The following DLG2 variants were observed in gnomAD, a reference collection of about 807,000 sequenced individuals.
DLG2 encodes the protein discs large MAGUK scaffold protein 2, also known as disks large homolog 2.
A neutral mutation model predicts 132.5 loss-of-function variants in DLG2; 45 were observed. That is an observed-to-expected ratio of 0.34 (90% CI 0.27 to 0.44). The LOEUF is 0.44. Among genes scored for constraint, DLG2 ranks in the 20% least tolerant of loss-of-function variants. The probability of loss-of-function intolerance (pLI) is 1.00; values close to 1 mark genes in which losing one functional copy is unlikely to be tolerated. For missense variants in DLG2, 1,045 were observed against 1,196.9 expected, an observed-to-expected ratio of 0.87 and a Z score of 1.87; for synonymous variants, 424 against 419.6, an observed-to-expected ratio of 1.01 and a Z score of -0.13.
intron 4 of DLG2, among the ~76,000 whole-genome samples, chr11:85,158,680 C>T (rs993628183): frequency 6.6e-6 from 1 of 152,052 alleles, no homozygotes; most frequent in Non-Finnish European, 1.5e-5. Context: ...GTGGCAGGGG[C>T]CAAGCGGTAG....
intron 3 of DLG2, among the ~76,000 whole-genome samples, chr11:85,557,714 C>G (rs1046915632): frequency 2.0e-5 from 3 of 151,854 alleles, no homozygotes; most frequent in African/African-American, 7.2e-5. Flanking sequence ...GAAAGGACTT[C>G]CTATTCAATA....
intron 4 of DLG2, among the ~76,000 whole-genome samples, chr11:85,269,205 A>G (rs2077383821): frequency 6.6e-6 from 1 of 152,178 alleles, no homozygotes; most frequent in African/African-American, 2.4e-5. Flanking sequence ...TCTCCCTTGT[A>G]GAATGCAGAT....
chr11:85,608,877 C>G (rs2080785948), intron 2 of DLG2, among the ~76,000 whole-genome samples: 1 of 152,216 alleles, frequency 6.6e-6, no homozygotes. Context: ...TAGCTCAAAC[C>G]CTGGCCTTTA....
chr11:84,795,221 C>T lies in DLG2; in HGVS notation c.358-260490G>A, dbSNP rs555447535. ...CCTGCCTGTGGAGAGGAGCTCCCCA[C>T]TGTGGGTCTCCTCTTTGCTTAGAGC... is the stretch of plus-strand genomic sequence containing the variant. On this transcript the variant is annotated intron_variant, in intron 6 of 27. Coordinates refer to ENST00000376104, the MANE Select transcript of DLG2 (RefSeq NM_001142699.3). Among the ~76,000 whole-genome samples, 5 of 152,318 alleles carry T rather than the reference C, an allele frequency of 3.3e-5. 1 individual carries two copies. The highest frequency in any genetic ancestry group is 1.2e-4 in the African/African-American group (5 of 41,576).
At chr11:84,668,374 G>C (rs971701151) in intron 6 of DLG2, among the ~76,000 whole-genome samples, 3 of 152,106 alleles carry the variant, frequency 2.0e-5, no homozygotes, top group African/African-American at 4.8e-5. Context: ...GATAGGTTTT[G>C]TCAAATGTTC....
At chr11:84,678,708 T>C (rs541458790) in intron 6 of DLG2, among the ~76,000 whole-genome samples, 7 of 152,152 alleles carry the variant, frequency 4.6e-5, no homozygotes, top group African/African-American at 1.7e-4. Flanking sequence ...CATTTGTAAA[T>C]ATATATTTAT....
At chr11:85,511,984 T>G (rs1196625176) in intron 3 of DLG2, among the ~76,000 whole-genome samples, 1 of 152,054 alleles carries the variant, frequency 6.6e-6, no homozygotes, top group African/African-American at 2.4e-5. Context: ...ATATTAATTG[T>G]TCATACCAAT....
chr11:85,551,021 T>A (rs913690695), intron 3 of DLG2, among the ~76,000 whole-genome samples: 1 of 152,220 alleles, frequency 6.6e-6, no homozygotes, highest in Non-Finnish European at 1.5e-5. Flanking sequence ...AAATCTTCAG[T>A]AGCTTCTTGT....
At chr11:84,183,683 C>G (rs1343145957) in intron 8 of DLG2, among the ~76,000 whole-genome samples, 1 of 152,036 alleles carries the variant, frequency 6.6e-6, no homozygotes, top group Non-Finnish European at 1.5e-5. Context: ...CCAGTAACTC[C>G]TCATTTACAT....
chr11:83,569,590 G>A (rs1268586195), intron 19 of DLG2, among the ~76,000 whole-genome samples: 1 of 152,194 alleles, frequency 6.6e-6, no homozygotes, highest in Non-Finnish European at 1.5e-5. Context: ...GCAAACCCAG[G>A]ACTGTTATGT....
intron 3 of DLG2, among the ~76,000 whole-genome samples, chr11:85,485,111 C>A (rs1279920925): frequency 6.6e-6 from 1 of 151,710 alleles, no homozygotes; most frequent in Non-Finnish European, 1.5e-5. Flanking sequence ...GACAAAAAAC[C>A]AAACACTGCA....
At chr11:84,753,597 G>C (rs1302346162) in intron 6 of DLG2, among the ~76,000 whole-genome samples, 1 of 152,294 alleles carries the variant, frequency 6.6e-6, no homozygotes, top group South Asian at 2.1e-4. Flanking sequence ...AGTGACTATG[G>C]GATATCAAGG....
chr11:84,293,455 C>T (rs2098037438), intron 7 of DLG2, among the ~76,000 whole-genome samples: 1 of 152,108 alleles, frequency 6.6e-6, no homozygotes, highest in Middle Eastern at 3.2e-3. Context: ...GGATGGATCA[C>T]CTGAGCTCAG....
At chr11:83,594,966 C>T (rs988762974) in intron 19 of DLG2, among the ~76,000 whole-genome samples, 2 of 152,162 alleles carry the variant, frequency 1.3e-5, no homozygotes, top group Non-Finnish European at 2.9e-5. Flanking sequence ...TTCCTAATGG[C>T]TTTATGTCAT....
intron 6 of DLG2, among the ~76,000 whole-genome samples, chr11:84,859,437 TA>T (rs1290364493): frequency 2.1e-5 from 3 of 145,304 alleles, no homozygotes; most frequent in Non-Finnish European, 4.5e-5. Flanking sequence ...CATATATATG[TA>T]TATATACATA....
chr11:85,070,059 A>T (rs2154166416), intron 6 of DLG2, among the ~76,000 whole-genome samples: 1 of 152,108 alleles, frequency 6.6e-6, no homozygotes, highest in East Asian at 1.9e-4. Flanking sequence ...AAGGACAAAA[A>T]ACCAAACACC....
chr11:84,609,530 A>G (rs1488774374), intron 6 of DLG2, among the ~76,000 whole-genome samples: 2 of 152,162 alleles, frequency 1.3e-5, no homozygotes, highest in Non-Finnish European at 2.9e-5. Context: ...AACCCAAGCC[A>G]ATGGAAACCT....
intron 6 of DLG2, among the ~76,000 whole-genome samples, chr11:84,822,694 T>C (rs1181275873): frequency 6.6e-6 from 1 of 151,930 alleles, no homozygotes; most frequent in Non-Finnish European, 1.5e-5. Context: ...TATTTTCTTA[T>C]GGAGAGAGAA....
intron 15 of DLG2, among the ~76,000 whole-genome samples, chr11:83,893,081 A>G (rs1351011529): frequency 2.6e-5 from 4 of 152,140 alleles, no homozygotes; most frequent in African/African-American, 9.7e-5. Flanking sequence ...CTCCATACCC[A>G]ATCCATTAAC....
Sources: gnomAD v4.1 joint callset for allele counts (sites outside exome capture counted in the v4.1 genomes callset) on GRCh38, gnomAD v4.1.1 for gene constraint, MANE v1.5 for transcripts, NCBI Gene and HGNC (gene_info 2026-07-23, HGNC 2026-07-21) for gene names.